HSF5: variants seen among roughly 807,000 people sequenced by gnomAD.
HSF5 encodes heat shock factor protein 5.
In HSF5, 5 loss-of-function variants were observed where a neutral mutation model predicts 50.8. The observed-to-expected ratio is 0.10, with a 90% CI of 0.05 to 0.21. The LOEUF (loss-of-function observed/expected upper bound fraction) is 0.21. HSF5 is among the 10% of genes least tolerant of loss of function. HSF5 has a pLI of 1.00. For missense variants in HSF5, 564 were observed against 762.6 expected, an observed-to-expected ratio of 0.74 and a Z score of 3.07; for synonymous variants, 307 against 307.4, an observed-to-expected ratio of 1.00 and a Z score of 0.02.
In HSF5 at chr17:58,421,191, C is replaced by T. The variant is rs1430855699; in HGVS notation, c.*1169G>A. 6.6e-6 allele frequency: 1 copy of T among 152,582 alleles called. No individual in the cohort carries two copies. 9.5% of individuals were successfully genotyped at this position (152,582 alleles called of 1,614,324 possible). The stretch of plus-strand genomic sequence containing the variant: ...CCTTCTCTCCTAAAACACAGTCCCA[C>T]AATCCTACTGCACAAATCTAGAATC... On this transcript the variant is annotated 3_prime_UTR_variant, in exon 6 of 6. Transcript: ENST00000323777.
chr17:58,486,572 TTA>T (rs1315218857), intron 1 of HSF5, among the ~76,000 whole-genome samples: 1 of 152,218 alleles, frequency 6.6e-6, no homozygotes, highest in Non-Finnish European at 1.5e-5. Flanking sequence ...CATCTTTGCC[TTA>T]TGTTTGTCTA....
intron 5 of HSF5, among the ~76,000 whole-genome samples, chr17:58,450,629 T>A (rs1974626834): frequency 1.3e-5 from 2 of 150,904 alleles, no homozygotes; most frequent in Non-Finnish European, 2.9e-5. Context: ...GGTGCATGCC[T>A]GTAATCCCAG....
intron 5 of HSF5, among the ~76,000 whole-genome samples, chr17:58,455,524 C>T (rs2143769837): frequency 6.6e-6 from 1 of 152,042 alleles, no homozygotes; most frequent in Non-Finnish European, 1.5e-5. Flanking sequence ...AGACACAATA[C>T]AATGAAGAGA....
chr17:58,429,928 C>T (rs955291880), intron 5 of HSF5, among the ~76,000 whole-genome samples: 1 of 151,206 alleles, frequency 6.6e-6, no homozygotes, highest in African/African-American at 2.4e-5. Flanking sequence ...TTTGAAATGA[C>T]CAGACAAAAA....
At chr17:58,478,648 G>A (rs188923258) in intron 2 of HSF5, among the ~76,000 whole-genome samples, 2,270 of 151,582 alleles carry the variant, frequency 0.015, 16 homozygotes, top group Non-Finnish European at 0.021. Context: ...GATCACCTGA[G>A]GTCAGGAGTT....
chr17:58,440,878 G>A (rs1459133479), intron 5 of HSF5, among the ~76,000 whole-genome samples: 5 of 152,138 alleles, frequency 3.3e-5, no homozygotes, highest in Non-Finnish European at 5.9e-5. Context: ...GAGAAAGAGT[G>A]AACATGAAGG....
In HSF5 at chr17:58,462,877, G is replaced by T; in HGVS notation, c.1447C>A (p.Gln483Lys). 1 of 1,614,144 alleles carries T rather than the reference G, an allele frequency of 6.2e-7. No homozygotes were observed. The highest frequency in any genetic ancestry group is 8.5e-7 in the Non-Finnish European group (1 of 1,179,986). The change falls in exon 4 of 6, where the codon CAA (glutamine) becomes AAA (lysine). Residue 483 changes from glutamine (Q) to lysine (K), a missense_variant. Gln to Lys is a moderately conservative substitution (Grantham distance 53). This residue lies in a region of HSF5 where 441 missense variants were observed against 533.6 expected (regional missense o/e 0.83). Coordinates refer to ENST00000323777, the MANE Select transcript of HSF5 (RefSeq NM_001080439.3). ...STIQESAAIQQAHVKLKEHLN... is the reference protein window; with the variant it reads ...STIQESAAIQKAHVKLKEHLN... Reference sequence around the variant, plus strand: ...TGCTCCTTCAGTTTGACATGAGCTTGCTGGATGGCTGCAGATTCCTGTATT... The same window carrying T: ...TGCTCCTTCAGTTTGACATGAGCTTTCTGGATGGCTGCAGATTCCTGTATT...
At chr17:58,465,624 C>CAA (rs11309055) in intron 3 of HSF5, among the ~76,000 whole-genome samples, 1 of 143,848 alleles carries the variant, frequency 7.0e-6, no homozygotes. Context: ...AGATTTTCTC[C>CAA]AAAAAAAAAA....
Position 58,476,509 on chromosome 17 carries a change from T to C in HSF5, c.925+3384A>G, listed in dbSNP as rs960522510. ...GGACTTTGAAGATGGATCACCACTC[T>C]TATTCAGATGAAATTCTTTGGACAG... On this transcript the variant is annotated intron_variant, in intron 2 of 5. Transcript: ENST00000323777. 3 of 1,207,338 alleles carry C rather than the reference T, an allele frequency of 2.5e-6. No homozygotes were observed. The African/African-American group carries it at 4.5e-5, about 18-fold the overall frequency. 74.8% of individuals were successfully genotyped at this position (1,207,338 alleles called of 1,614,324 possible). A position where few individuals can be genotyped will look rare whatever the true frequency, so the allele number is the denominator to read the frequency against.
intron 5 of HSF5, among the ~76,000 whole-genome samples, chr17:58,449,366 T>C (rs1974603177): frequency 1.3e-5 from 2 of 152,198 alleles, no homozygotes; most frequent in African/African-American, 4.8e-5. Flanking sequence ...AAGACCCAAC[T>C]ATATGCTACC....
At chr17:58,469,350 T>C (rs1157488708) in intron 2 of HSF5, among the ~76,000 whole-genome samples, 3 of 152,340 alleles carry the variant, frequency 2.0e-5, no homozygotes, top group South Asian at 2.1e-4. Flanking sequence ...TAAACTACAA[T>C]ATATAACAGA....
intron 3 of HSF5, 131 bp from the exon 4 acceptor site, chr17:58,463,434 G>C: frequency 1.4e-6 from 1 of 706,496 alleles, no homozygotes; most frequent in South Asian, 2.0e-5. Context: ...AGAAAACCTA[G>C]ACACTAATCT....
intron 2 of HSF5, among the ~76,000 whole-genome samples, chr17:58,474,774 T>A (rs1278349044): frequency 6.6e-6 from 1 of 152,174 alleles, no homozygotes; most frequent in East Asian, 1.9e-4. Context: ...TGGAATGCAG[T>A]GGCACAATCA....
At chr17:58,452,348 G>A (rs890704262) in intron 5 of HSF5, among the ~76,000 whole-genome samples, 1 of 152,128 alleles carries the variant, frequency 6.6e-6, no homozygotes, top group Non-Finnish European at 1.5e-5. Context: ...CACCAGAGAA[G>A]TACAAAGGAT....
chr17:58,480,361 T>C (rs1253505981), intron 1 of HSF5, 94 bp from the exon 2 acceptor site: 10 of 1,253,846 alleles, frequency 8.0e-6, no homozygotes, highest in East Asian at 2.4e-5. Context: ...TCTTCACCTA[T>C]CAGCCATTTT....
chr17:58,425,406 TA>T (rs35148302), intron 5 of HSF5, among the ~76,000 whole-genome samples: 22,264 of 135,506 alleles, frequency 0.16, 1,933 homozygotes, highest in Middle Eastern at 0.23. Context: ...AACTCCACCT[TA>T]AAAAAAAAAA....
chr17:58,441,493 G>A (rs946921853), intron 5 of HSF5, among the ~76,000 whole-genome samples: 3 of 152,000 alleles, frequency 2.0e-5, no homozygotes, highest in Non-Finnish European at 4.4e-5. Flanking sequence ...AAAGTGATAC[G>A]AGAAAGGAAA....
intron 2 of HSF5, among the ~76,000 whole-genome samples, chr17:58,479,212 A>G (rs1975067088): frequency 6.6e-6 from 1 of 152,078 alleles, no homozygotes; most frequent in East Asian, 1.9e-4. Flanking sequence ...ATCTCACCTT[A>G]AGATTAAACC....
intron 2 of HSF5, among the ~76,000 whole-genome samples, chr17:58,469,950 C>T (rs1974922405): frequency 6.6e-6 from 1 of 152,174 alleles, no homozygotes; most frequent in Middle Eastern, 3.2e-3. Context: ...AGTTAATATA[C>T]TTTATCCTAT....
Sources: gnomAD v4.1 joint callset for allele counts (sites outside exome capture counted in the v4.1 genomes callset) on GRCh38, gnomAD v4.1.1 for gene constraint, gnomAD v4.1.1 regional missense constraint, MANE v1.5 for transcripts, NCBI Gene and HGNC (gene_info 2026-07-23, HGNC 2026-07-21) for gene names.